Variants in MRPL10 observed in about 807,000 individuals in gnomAD.
MRPL10 encodes mitochondrial ribosomal protein L10.
MRPL10 carries 14 observed loss-of-function variants against 19.8 expected under a neutral mutation model. The ratio of observed to expected loss-of-function variants is 0.71; its 90% CI spans 0.47 to 1.11. The LOEUF (loss-of-function observed/expected upper bound fraction) is 1.11, where lower values mean the gene tolerates loss of function less well. Among genes scored for constraint, MRPL10 ranks in the 50% least tolerant of loss-of-function variants. MRPL10 has a pLI of 0.00. For missense variants in MRPL10, 318 were observed against 339.6 expected (o/e 0.94, Z 0.50); for synonymous variants, 129 against 139.2 (o/e 0.93, Z 0.52).
intron 4 of MRPL10, among the ~76,000 whole-genome samples, chr17:47,826,225 G>A (rs1436523381): frequency 6.6e-6 from 1 of 151,522 alleles, no homozygotes; most frequent in Non-Finnish European, 1.5e-5. Flanking sequence ...GATTTCCAAG[G>A]ACATGTGCAG....
chr17:47,831,436 G>A (rs1446106604), intron 1 of MRPL10, 24 bp downstream of exon 1: 4 of 1,548,450 alleles, frequency 2.6e-6, no homozygotes, highest in Non-Finnish European at 2.6e-6. Flanking sequence ...AAGACACGCC[G>A]TGAGGACCTG....
intron 4 of MRPL10, among the ~76,000 whole-genome samples, chr17:47,825,957 G>A (rs1406157990): frequency 2.7e-5 from 4 of 150,772 alleles, no homozygotes; most frequent in African/African-American, 4.9e-5. Flanking sequence ...TGGCCAACAC[G>A]GTGAAACCCC....
intron 1 of MRPL10, 35 bp from the exon 2 acceptor site, chr17:47,828,705 C>A (rs2033577218): frequency 6.7e-7 from 1 of 1,483,218 alleles, no homozygotes; most frequent in African/African-American, 1.5e-5. Context: ...TTAGAGGCAA[C>A]CTCCTGGAGG....
rs549064369 is a variant in MRPL10, at chr17:47,826,855, A to G, written c.388-74T>C. On this transcript the variant is annotated intron_variant, in intron 3 of 4. Transcript: ENST00000351111. ...AGCTACCTCGTGGGTCATGGGCCACATTAGGCTGAGGGTGCAACCCAAGGG... is the reference window on the plus strand; with the variant it reads ...AGCTACCTCGTGGGTCATGGGCCACGTTAGGCTGAGGGTGCAACCCAAGGG... The G allele has an allele frequency of 2.9e-3, 4,590 of 1,592,506 alleles. 6 individuals carry two copies. Among genetic ancestry groups the G allele is most frequent in the Non-Finnish European group, 3.7e-3 (4,273 of 1,165,220 alleles).
Position 47,831,536 on chromosome 17 carries a change from C to A in MRPL10, c.-25G>T. On this transcript the variant is annotated 5_prime_UTR_variant, in exon 1 of 5. Transcript: ENST00000351111. The stretch of plus-strand genomic sequence containing the variant: ...TCTCCACCGGAAGAATGGACGGAAG[C>A]CGAGTGGAGACGGAAAGAGCTAAGG... 2 of 1,546,944 alleles carry A rather than the reference C, an allele frequency of 1.3e-6. No homozygotes were observed. The highest frequency in any genetic ancestry group is 2.4e-5 in the South Asian group (2 of 83,936).
chr17:47,828,737 G>A, intron 1 of MRPL10, 67 bp from the exon 2 acceptor site: 1 of 1,301,622 alleles, frequency 7.7e-7, no homozygotes, highest in Non-Finnish European at 1.0e-6. Flanking sequence ...CCCAAATGGA[G>A]AAAAAACACA....
Position 47,826,735 on chromosome 17 carries a change from GGCA to G in MRPL10, c.431_433del (p.Leu144del). The G allele has an allele frequency of 6.2e-7, 1 of 1,614,218 alleles. No homozygotes were observed. The highest frequency in any genetic ancestry group is 8.5e-7 in the Non-Finnish European group (1 of 1,180,048). On this transcript the variant is annotated inframe_deletion, in exon 4 of 5. Coordinates refer to ENST00000351111, the MANE Select transcript of MRPL10 (RefSeq NM_145255.4). ...CAGCATGTTGTGCCCCACAAAAAGG[GGCA>G]GCAGATTTTGGTACTTGGAATCCTC...
At chr17:47,826,911 C>A in intron 3 of MRPL10, 129 bp downstream of exon 3, 2 of 1,466,000 alleles carry the variant, frequency 1.4e-6, no homozygotes, top group East Asian at 2.3e-5. Flanking sequence ...AGGTTAGACA[C>A]CAGATTAGAG....
At chr17:47,826,334 CT>C (rs1237147087) in intron 4 of MRPL10, among the ~76,000 whole-genome samples, 1 of 151,984 alleles carries the variant, frequency 6.6e-6, no homozygotes, top group Non-Finnish European at 1.5e-5. Context: ...TATTAAATAT[CT>C]TCATCTGTGA....
chr17:47,827,033 TC>T lies in MRPL10; in HGVS notation c.387+6del. The T allele has an allele frequency of 6.2e-7, 1 of 1,606,660 alleles. No individual in the cohort carries two copies. The highest frequency in any genetic ancestry group is 8.5e-7 in the Non-Finnish European group (1 of 1,175,966). The stretch of plus-strand genomic sequence containing the variant: ...GGGCAACCCATGCCAAGGGGCCTGC[TC>T]CCTACCTGGTTGGGGAAGACCTTCA... On this transcript the variant is annotated splice_donor_region_variant and intron_variant, in intron 3 of 4. Transcript: ENST00000351111.
chr17:47,831,521 A>G lies in MRPL10; in HGVS notation c.-10T>C. 6.5e-7 allele frequency: 1 copy of G among 1,549,860 alleles called. No individual in the cohort carries two copies. The highest frequency in any genetic ancestry group is 8.7e-7 in the Non-Finnish European group (1 of 1,146,544). ...CCACGGCCGCAGCCATCTCCACCGG[A>G]AGAATGGACGGAAGCCGAGTGGAGA... On this transcript the variant is annotated 5_prime_UTR_variant, in exon 1 of 5. Coordinates refer to ENST00000351111, the MANE Select transcript of MRPL10 (RefSeq NM_145255.4).
At chr17:47,827,514 A>G in intron 2 of MRPL10, among the ~76,000 whole-genome samples, 1 of 152,190 alleles carries the variant, frequency 6.6e-6, no homozygotes, top group East Asian at 1.9e-4. Context: ...AATATTGCTA[A>G]AATTATTTCA....
intron 1 of MRPL10, 158 bp downstream of exon 1, chr17:47,831,302 T>C: frequency 5.9e-6 from 9 of 1,528,008 alleles, no homozygotes; most frequent in Non-Finnish European, 7.9e-6. Context: ...ACGTTGTTGC[T>C]GTGATTACCA....
chr17:47,829,860 G>A (rs917095255), intron 1 of MRPL10, among the ~76,000 whole-genome samples: 2 of 151,140 alleles, frequency 1.3e-5, no homozygotes, highest in African/African-American at 4.9e-5. Context: ...TTGCACTCCG[G>A]CACTCCGGCC....
rs1266487861 is a variant in MRPL10 at position 47,823,480 on chromosome 17, T to C, written c.*725A>G. 1 of 152,222 alleles carries C rather than the reference T, an allele frequency of 6.6e-6. No homozygotes were observed. The highest frequency in any genetic ancestry group is 6.5e-5 in the Admixed American group (1 of 15,284). The allele number at this position is 152,222 out of a possible 1,614,324, so 9.4% of individuals were successfully genotyped here. A position where few individuals can be genotyped will look rare whatever the true frequency, so the allele number is the denominator to read the frequency against. On this transcript the variant is annotated 3_prime_UTR_variant, in exon 5 of 5. Transcript: ENST00000351111. Reference sequence around the variant, plus strand: ...GGAAGTAGAATATATTTCATTTTATTATAAAGCAGTGCTCCCAAACTTTTC... The same window carrying C: ...GGAAGTAGAATATATTTCATTTTATCATAAAGCAGTGCTCCCAAACTTTTC...
intron 1 of MRPL10, among the ~76,000 whole-genome samples, chr17:47,830,557 G>C (rs1235933287): frequency 6.6e-6 from 1 of 151,848 alleles, no homozygotes; most frequent in African/African-American, 2.4e-5. Context: ...CCAGGCTGGA[G>C]TGCAGCAATG....
Position 47,828,499 on chromosome 17 carries a change from A to C in MRPL10, c.222+2T>G. On this transcript the variant is annotated splice_donor_variant, in intron 2 of 4. Coordinates refer to ENST00000351111, the MANE Select transcript of MRPL10 (RefSeq NM_145255.4). LOFTEE classifies it high-confidence loss of function. Reference sequence around the variant, plus strand: ...GTGACATGTACCCAAATTCCTCCTTACCTCCTGTGGGGGGCTGGGAGGAGA... The same window carrying C: ...GTGACATGTACCCAAATTCCTCCTTCCCTCCTGTGGGGGGCTGGGAGGAGA... 1 of 1,414,514 alleles carries C rather than the reference A, an allele frequency of 7.1e-7. No homozygotes were observed. Among genetic ancestry groups the C allele is most frequent in the Non-Finnish European group, 9.3e-7 (1 of 1,078,786 alleles). 87.6% of individuals were successfully genotyped at this position (1,414,514 alleles called of 1,614,324 possible).
chr17:47,827,449 TC>T (rs905315070), intron 2 of MRPL10, among the ~76,000 whole-genome samples: 2 of 152,202 alleles, frequency 1.3e-5, no homozygotes, highest in African/African-American at 4.8e-5. Flanking sequence ...GATGCTCAGA[TC>T]CACTCCCCCG....
At chr17:47,831,313 G>C (rs1279955568) in intron 1 of MRPL10, 147 bp downstream of exon 1, 1 of 1,531,778 alleles carries the variant, frequency 6.5e-7, no homozygotes, top group Admixed American at 2.0e-5. Flanking sequence ...GTGATTACCA[G>C]TCGAGTCACA....
Sources: allele counts gnomAD v4.1 joint callset (sites outside exome capture counted in the v4.1 genomes callset), GRCh38; gene constraint gnomAD v4.1.1; transcripts MANE v1.5; gene names NCBI Gene and HGNC (gene_info 2026-07-23, HGNC 2026-07-21).